DNAJA3: variants seen among roughly 807,000 people sequenced by gnomAD.
DNAJA3 encodes the protein DnaJ heat shock protein family (Hsp40) member A3, also known as dnaJ homolog subfamily A member 3, mitochondrial.
DNAJA3 carries 29 observed loss-of-function variants against 54.9 expected under a neutral mutation model. The observed-to-expected ratio is 0.53, with a 90% CI of 0.39 to 0.72. The LOEUF (loss-of-function observed/expected upper bound fraction) is 0.72, where lower values mean the gene tolerates loss of function less well. Among genes scored for constraint, DNAJA3 ranks in the 30% least tolerant of loss-of-function variants. DNAJA3 has a pLI of 0.00. For synonymous variants in DNAJA3, 302 were observed against 251.4 expected (o/e 1.20, Z -1.90); for missense variants, 708 against 639.4 (o/e 1.11, Z -1.16).
chr16:4,426,590 C>T (rs924006410), intron 1 of DNAJA3, among the ~76,000 whole-genome samples: 2 of 152,218 alleles, frequency 1.3e-5, no homozygotes, highest in African/African-American at 4.8e-5. Flanking sequence ...AAACCCAAAG[C>T]AGTCATGTCA....
intron 5 of DNAJA3, chr16:4,442,816 G>C: frequency 1.6e-6 from 1 of 609,334 alleles, no homozygotes; most frequent in Non-Finnish European, 2.9e-6. Flanking sequence ...TGATGATCTG[G>C]AGTGCAGAAG....
In DNAJA3 at chr16:4,434,919, T is replaced by TGGA. The variant is rs1337173604; in HGVS notation, c.345+404_345+406dup. On this transcript the variant is annotated intron_variant, in intron 2 of 11. Transcript: ENST00000262375. ...TTTTTTTTTTTTTTTTTTTTTGAGA[T>TGGA]GGAGTCTCACTCCATTGCTGAGGCT... Among the ~76,000 whole-genome samples the TGGA allele has an allele frequency of 1.8e-4, 24 of 136,716 alleles. No individual in the cohort carries two copies. In the South Asian group the frequency reaches 5.1e-3, roughly 29 times the overall value. 89.7% of individuals were successfully genotyped at this position (136,716 alleles called of 152,430 possible). A position where few individuals can be genotyped will look rare whatever the true frequency, so the allele number is the denominator to read the frequency against.
intron 3 of DNAJA3, 182 bp from the exon 4 acceptor site, chr16:4,441,193 A>G: frequency 1.7e-6 from 1 of 598,876 alleles, no homozygotes; most frequent in South Asian, 2.1e-5. Flanking sequence ...CTTAGCATTC[A>G]GTTTGGTCAT....
intron 5 of DNAJA3, chr16:4,442,642 G>T: frequency 1.9e-6 from 1 of 539,276 alleles, no homozygotes; most frequent in Non-Finnish European, 3.2e-6. Flanking sequence ...GGGGCGGGGC[G>T]GGGGATTGCA....
At chr16:4,435,782 A>G (rs921491206) in intron 2 of DNAJA3, among the ~76,000 whole-genome samples, 6 of 152,238 alleles carry the variant, frequency 3.9e-5, no homozygotes, top group Non-Finnish European at 7.3e-5. Context: ...GTGCTGCTAT[A>G]TAGACATTCA....
intron 1 of DNAJA3, among the ~76,000 whole-genome samples, chr16:4,430,165 A>G (rs886726264): frequency 2.0e-5 from 3 of 151,872 alleles, no homozygotes; most frequent in Admixed American, 2.0e-4. Context: ...AATTTTGAAA[A>G]GGTCATTAAC....
intron 10 of DNAJA3, among the ~76,000 whole-genome samples, chr16:4,453,219 C>T (rs1194631467): frequency 1.3e-5 from 2 of 152,044 alleles, no homozygotes; most frequent in East Asian, 3.9e-4. Context: ...TGTGCCTGAC[C>T]AGCATAGTTT....
At chr16:4,453,936 A>G (rs2057006074) in intron 10 of DNAJA3, among the ~76,000 whole-genome samples, 2 of 152,204 alleles carry the variant, frequency 1.3e-5, no homozygotes, top group Admixed American at 1.3e-4. Context: ...TGCCAAGTTC[A>G]GGTCTATATT....
chr16:4,434,221 G>A lies in DNAJA3; in HGVS notation c.212-163G>A, dbSNP rs2056743266. The A allele has an allele frequency of 4.2e-6, 3 of 715,462 alleles. No homozygotes were observed. The South Asian group carries it at 5.7e-5, about 14-fold the overall frequency. 44.3% of individuals were successfully genotyped at this position (715,462 alleles called of 1,614,324 possible). A position where few individuals can be genotyped will look rare whatever the true frequency, so the allele number is the denominator to read the frequency against. ...TCAGGTCCCTCCCATGACACGTGGGGATTATGGGAACTAAAATTCTAGTTG... is the reference window on the plus strand; with the variant it reads ...TCAGGTCCCTCCCATGACACGTGGGAATTATGGGAACTAAAATTCTAGTTG... On this transcript the variant is annotated intron_variant, in intron 1 of 11. Transcript: ENST00000262375.
intron 3 of DNAJA3, 66 bp downstream of exon 3, chr16:4,437,551 G>C: frequency 2.9e-6 from 4 of 1,381,022 alleles, no homozygotes; most frequent in Non-Finnish European, 4.1e-6. Context: ...AGGTTGCATT[G>C]CTACCTGGGA....
chr16:4,432,331 CTTTCTTTTTTTT>C lies in DNAJA3; in HGVS notation c.212-2038_212-2027del, dbSNP rs752233868. Among the ~76,000 whole-genome samples the C allele has an allele frequency of 2.6e-4, 21 of 80,656 alleles. No homozygotes were observed. The South Asian group carries it at 7.3e-3, about 28-fold the overall frequency. The allele number at this position is 80,656 out of a possible 152,430, so 52.9% of individuals were successfully genotyped here. A position where few individuals can be genotyped will look rare whatever the true frequency, so the allele number is the denominator to read the frequency against. Reference sequence around the variant, plus strand: ...AGCCACTGTGCCCAGGCTTATTTTTCTTTCTTTTTTTTTTTCTTTTTTTTTTCTGTGATGGAG... The same window carrying C: ...AGCCACTGTGCCCAGGCTTATTTTTCTTTCTTTTTTTTTTCTGTGATGGAG... On this transcript the variant is annotated intron_variant, in intron 1 of 11. Coordinates refer to ENST00000262375, the MANE Select transcript of DNAJA3 (RefSeq NM_005147.6).
intron 6 of DNAJA3, 96 bp downstream of exon 6, chr16:4,443,260 A>G (rs2056859870): frequency 6.8e-7 from 1 of 1,475,342 alleles, no homozygotes; most frequent in South Asian, 1.3e-5. Context: ...GGCCGAGGCC[A>G]CTGCACTGAG....
chr16:4,437,291 G>A (rs1169720856), intron 2 of DNAJA3, 111 bp from the exon 3 acceptor site: 3 of 913,872 alleles, frequency 3.3e-6, no homozygotes, highest in Non-Finnish European at 5.2e-6. Flanking sequence ...TTTTATAAAG[G>A]GAACATAATT....
chr16:4,427,310 G>A (rs2056636851), intron 1 of DNAJA3: 1 of 152,110 alleles, frequency 6.6e-6, no homozygotes. Context: ...TTGTGCAAAT[G>A]GTATTTAAGC....
rs2056795464 is a variant in DNAJA3 at position 4,438,226 on chromosome 16, A to G, written c.429+741A>G. On this transcript the variant is annotated intron_variant, in intron 3 of 11. Coordinates refer to ENST00000262375, the MANE Select transcript of DNAJA3 (RefSeq NM_005147.6). ...CAGGTGCTGGGGAGGCTGAGGCAGG[A>G]GAATGGCGTGAACCCGGGAGGCGGA... is the stretch of plus-strand genomic sequence containing the variant. 3.3e-5 allele frequency among the ~76,000 whole-genome samples: 5 copies of G among 152,194 alleles called. 1 individual carries two copies. The South Asian group carries it at 1.0e-3, about 32-fold the overall frequency.
intron 10 of DNAJA3, among the ~76,000 whole-genome samples, chr16:4,452,486 G>A (rs2056990325): frequency 6.6e-6 from 1 of 151,990 alleles, no homozygotes; most frequent in African/African-American, 2.4e-5. Flanking sequence ...AGTTGATTCC[G>A]CCACCCACTG....
intron 8 of DNAJA3, 30 bp from the exon 9 acceptor site, chr16:4,448,703 G>A: frequency 6.4e-7 from 1 of 1,556,832 alleles, no homozygotes; most frequent in Non-Finnish European, 8.8e-7. Flanking sequence ...CTGGGGACCA[G>A]GGGAAACCAC....
At chr16:4,431,577 G>C (rs1239695026) in intron 1 of DNAJA3, 1 of 150,936 alleles carries the variant, frequency 6.6e-6, no homozygotes, top group African/African-American at 2.4e-5. Flanking sequence ...TCCTAGAGTT[G>C]TTTCTCTTTT....
chr16:4,437,281 T>G (rs2141376951), intron 2 of DNAJA3, 121 bp from the exon 3 acceptor site: 1 of 876,996 alleles, frequency 1.1e-6, no homozygotes, highest in East Asian at 2.7e-5. Context: ...GAGAGACAAC[T>G]TTTATAAAGG....
Sources: allele counts gnomAD v4.1 joint callset (sites outside exome capture counted in the v4.1 genomes callset), GRCh38; gene constraint gnomAD v4.1.1; transcripts MANE v1.5; gene names NCBI Gene and HGNC (gene_info 2026-07-23, HGNC 2026-07-21).